PTGER3: variants seen among roughly 807,000 people sequenced by gnomAD.
PTGER3 encodes the protein prostaglandin E receptor 3.
In PTGER3, 22 loss-of-function variants were observed where a neutral mutation model predicts 34.7. That is an observed-to-expected ratio of 0.63 (90% confidence interval 0.45 to 0.91). PTGER3 has a LOEUF of 0.91. Ranked by LOEUF, PTGER3 falls within the 40% of genes least tolerant of loss-of-function variation. The pLI is 0.00. For missense variants in PTGER3, 468 were observed against 519.4 expected, an observed-to-expected ratio of 0.90 and a Z score of 0.96; for synonymous variants, 241 against 230.1, an observed-to-expected ratio of 1.05 and a Z score of -0.43.
chr1:70,853,995 G>A (rs1296527166), intron 4 of PTGER3, among the ~76,000 whole-genome samples: 1 of 152,048 alleles, frequency 6.6e-6, no homozygotes, highest in Non-Finnish European at 1.5e-5. Context: ...AAAGACCTAG[G>A]CATAAGACCT....
intron 1 of PTGER3, among the ~76,000 whole-genome samples, chr1:71,041,585 T>A (rs1557770798): frequency 6.6e-6 from 1 of 152,190 alleles, no homozygotes; most frequent in Non-Finnish European, 1.5e-5. Flanking sequence ...TTGGTTACCA[T>A]CTTTATGAAA....
chr1:71,012,190 G>A (rs367622059), intron 2 of PTGER3, 115 bp downstream of exon 2: 10 of 1,597,408 alleles, frequency 6.3e-6, no homozygotes, highest in Non-Finnish European at 8.5e-6. Context: ...CAAAAGCTGT[G>A]CACATGCAAG....
chr1:71,011,683 G>A (rs1283511517), intron 2 of PTGER3: 1 of 974,728 alleles, frequency 1.0e-6, no homozygotes, highest in Non-Finnish European at 1.2e-6. Context: ...GCTGTATTGA[G>A]CAATATTTGA....
chr1:70,978,890 G>T (rs1488895220), intron 2 of PTGER3, among the ~76,000 whole-genome samples: 5 of 152,048 alleles, frequency 3.3e-5, no homozygotes, highest in African/African-American at 9.7e-5. Context: ...AGGATATGAA[G>T]CCACTTTCTT....
At chr1:70,929,467 A>G (rs1014928123) in intron 4 of PTGER3, among the ~76,000 whole-genome samples, 1 of 152,220 alleles carries the variant, frequency 6.6e-6, no homozygotes, top group Non-Finnish European at 1.5e-5. Context: ...TTAGTAAAAT[A>G]TTGACTAAAT....
intron 4 of PTGER3, among the ~76,000 whole-genome samples, chr1:70,859,351 A>G (rs748916165): frequency 1.3e-5 from 2 of 152,168 alleles, no homozygotes; most frequent in Non-Finnish European, 2.9e-5. Context: ...TTTAATCAGC[A>G]TTTTCCATTT....
intron 1 of PTGER3, among the ~76,000 whole-genome samples, chr1:71,018,808 G>T (rs1179465340): frequency 6.6e-6 from 1 of 152,054 alleles, no homozygotes; most frequent in African/African-American, 2.4e-5. Context: ...GCAAATATAG[G>T]TTTCATATGC....
At chr1:70,955,362 C>T (rs1276259149) in intron 2 of PTGER3, among the ~76,000 whole-genome samples, 1 of 152,146 alleles carries the variant, frequency 6.6e-6, no homozygotes, top group African/African-American at 2.4e-5. Flanking sequence ...TCCCTTTTCT[C>T]TTTGCATCAG....
chr1:70,980,755 C>T (rs1447631205), intron 2 of PTGER3, among the ~76,000 whole-genome samples: 1 of 152,146 alleles, frequency 6.6e-6, no homozygotes, highest in Non-Finnish European at 1.5e-5. Flanking sequence ...AACAAACAGG[C>T]CATTTATTAT....
At chr1:70,871,224 G>A (rs1358905936) in intron 4 of PTGER3, among the ~76,000 whole-genome samples, 1 of 152,080 alleles carries the variant, frequency 6.6e-6, no homozygotes, top group South Asian at 2.1e-4. Flanking sequence ...GTGGGAGAAG[G>A]CACTTCACAT....
intron 4 of PTGER3, among the ~76,000 whole-genome samples, chr1:70,872,673 C>G (rs1646188094): frequency 6.6e-6 from 1 of 152,106 alleles, no homozygotes; most frequent in Non-Finnish European, 1.5e-5. Context: ...ACCACAAACT[C>G]CAATGTATAT....
intron 4 of PTGER3, among the ~76,000 whole-genome samples, chr1:70,945,810 T>A: frequency 6.6e-6 from 1 of 152,234 alleles, no homozygotes; most frequent in Admixed American, 6.6e-5. Context: ...GCATTACTGA[T>A]GTGCATAAAC....
chr1:70,895,349 C>T (rs1646702312), intron 4 of PTGER3, among the ~76,000 whole-genome samples: 1 of 152,068 alleles, frequency 6.6e-6, no homozygotes, highest in Non-Finnish European at 1.5e-5. Flanking sequence ...TAGTATTCTG[C>T]CAGCTTGAGG....
intron 4 of PTGER3, among the ~76,000 whole-genome samples, chr1:70,868,876 A>C (rs1462375725): frequency 2.0e-5 from 3 of 152,102 alleles, no homozygotes; most frequent in African/African-American, 7.2e-5. Flanking sequence ...GAGCCACAGG[A>C]AGTGGCTCAA....
chr1:70,914,170 G>A (rs1475555583), intron 4 of PTGER3, among the ~76,000 whole-genome samples: 1 of 151,768 alleles, frequency 6.6e-6, no homozygotes, highest in African/African-American at 2.4e-5. Flanking sequence ...GATGAATGTG[G>A]CTATAAGGAA....
intron 4 of PTGER3, among the ~76,000 whole-genome samples, chr1:70,923,397 A>G (rs1647744892): frequency 6.6e-6 from 1 of 152,184 alleles, no homozygotes; most frequent in Non-Finnish European, 1.5e-5. Flanking sequence ...TGGCTGTCCT[A>G]AGACTTTTTA....
At chr1:70,944,858 T>G (rs1650076442) in intron 4 of PTGER3, among the ~76,000 whole-genome samples, 1 of 152,148 alleles carries the variant, frequency 6.6e-6, no homozygotes, top group African/African-American at 2.4e-5. Flanking sequence ...AAAAGGGTTT[T>G]GGGTCCTTGT....
At chr1:70,962,045 C>G (rs1264169772) in intron 2 of PTGER3, among the ~76,000 whole-genome samples, 2 of 152,136 alleles carry the variant, frequency 1.3e-5, no homozygotes, top group Non-Finnish European at 2.9e-5. Context: ...ATTTTTGCAG[C>G]AGCACTGCAA....
At chr1:70,857,109 A>G (rs867447039) in intron 4 of PTGER3, among the ~76,000 whole-genome samples, 1 of 152,270 alleles carries the variant, frequency 6.6e-6, no homozygotes. Context: ...CTAAATGTAG[A>G]ACACACAAGA....
Sources: allele counts gnomAD v4.1 joint callset (sites outside exome capture counted in the v4.1 genomes callset), GRCh38; gene constraint gnomAD v4.1.1; transcripts MANE v1.5; gene names NCBI Gene and HGNC (gene_info 2026-07-23, HGNC 2026-07-21).